LYRM2: variants seen among roughly 807,000 people sequenced by gnomAD.
LYRM2 encodes LYR motif-containing protein 2.
Under a neutral mutation model 11.6 loss-of-function variants are expected in LYRM2, and 8 were observed. The ratio of observed to expected loss-of-function variants is 0.69; its 90% CI spans 0.40 to 1.24. LYRM2 has a LOEUF of 1.24. LYRM2 is among the 50% of genes most tolerant of loss of function. The pLI, the probability that LYRM2 is intolerant of heterozygous loss-of-function variation, is 0.01. For missense variants in LYRM2, 117 were observed against 102.9 expected, an observed-to-expected ratio of 1.14 and a Z score of -0.59; for synonymous variants, 30 against 36.4, an observed-to-expected ratio of 0.83 and a Z score of 0.63.
At chr6:89,638,545 G>C (rs1313083688) in intron 1 of LYRM2, 127 bp downstream of exon 1, 9 of 1,583,862 alleles carry the variant, frequency 5.7e-6, no homozygotes. Context: ...GCAGGCATCG[G>C]GCCAATCTCA....
At position 89,634,814 on chromosome 6, in the gene LYRM2, G is replaced by C. The variant is rs1421155612; in HGVS notation, c.*2459C>G. ...CACTTTTTTATTTTTTTTGAGACAAGAGTCTCACTCTTTCGCCCAGGCTGT... is the reference window on the plus strand; with the variant it reads ...CACTTTTTTATTTTTTTTGAGACAACAGTCTCACTCTTTCGCCCAGGCTGT... On this transcript the variant is annotated 3_prime_UTR_variant, in exon 3 of 3. Transcript: ENST00000523377. 2 of 152,104 alleles carry C rather than the reference G, an allele frequency of 1.3e-5. No individual in the cohort carries two copies. The highest frequency in any genetic ancestry group is 6.5e-5 in the Admixed American group (1 of 15,272). The allele number at this position is 152,104 out of a possible 1,614,324, so 9.4% of individuals were successfully genotyped here.
intron 2 of LYRM2, 120 bp downstream of exon 2, chr6:89,637,622 T>C: frequency 2.3e-6 from 2 of 885,662 alleles, no homozygotes; most frequent in Non-Finnish European, 3.4e-6. Flanking sequence ...TTACAAGCAA[T>C]GATCAAGATA....
intron 2 of LYRM2, 128 bp downstream of exon 2, chr6:89,637,614 A>T: frequency 1.2e-6 from 1 of 841,838 alleles, no homozygotes; most frequent in Non-Finnish European, 1.8e-6. Context: ...CGGTAACATT[A>T]CAAGCAATGA....
Position 89,634,167 on chromosome 6 carries a change from A to G in LYRM2, c.*3106T>C, listed in dbSNP as rs926639445. 3.3e-5 allele frequency: 5 copies of G among 152,246 alleles called. No individual in the cohort carries two copies. Among genetic ancestry groups the G allele is most frequent in the African/African-American group, 1.2e-4 (5 of 41,476 alleles). 9.4% of individuals were successfully genotyped at this position (152,246 alleles called of 1,614,324 possible). On this transcript the variant is annotated 3_prime_UTR_variant, in exon 3 of 3. Transcript: ENST00000523377. ...TTTTGACTAAGTTATTAAAAGTTAAATGCATTTCTTCTTTGAAGTGTGGAT... is the reference window on the plus strand; with the variant it reads ...TTTTGACTAAGTTATTAAAAGTTAAGTGCATTTCTTCTTTGAAGTGTGGAT...
In LYRM2 at chr6:89,634,763, T is replaced by C. The variant is rs1261128639; in HGVS notation, c.*2510A>G. ...CACATCTATGGCAATGCTTGTACCA[T>C]GAATTTAAAACTTCTAACTTGATGG... On this transcript the variant is annotated 3_prime_UTR_variant, in exon 3 of 3. Coordinates refer to ENST00000523377, the MANE Select transcript of LYRM2 (RefSeq NM_020466.5). 2 of 152,268 alleles carry C rather than the reference T, an allele frequency of 1.3e-5. No individual in the cohort carries two copies. The highest frequency in any genetic ancestry group is 2.9e-5 in the Non-Finnish European group (2 of 68,074). 9.4% of individuals were successfully genotyped at this position (152,268 alleles called of 1,614,324 possible).
rs745801736 is a variant in LYRM2, at chr6:89,637,361, A to G, written c.187-8T>C. 4 of 1,569,350 alleles carry G rather than the reference A, an allele frequency of 2.5e-6. No homozygotes were observed. The highest frequency in any genetic ancestry group is 3.5e-6 in the Non-Finnish European group (4 of 1,140,450). ...CATCATCCGGATTGTATCCTGTAGA[A>G]TAAAGTGAAATCTGGTTATAGTTTT... On this transcript the variant is annotated splice_polypyrimidine_tract_variant and splice_region_variant and intron_variant, in intron 2 of 2. Coordinates refer to ENST00000523377, the MANE Select transcript of LYRM2 (RefSeq NM_020466.5).
chr6:89,637,849 T>C lies in LYRM2; in HGVS notation c.79A>G (p.Arg27Gly). The part of the protein sequence containing the change: ...VRRQQVLLLY[R>G]RILQTIRQVP... ...TGCCGAATTGTTTGCAAAATCCTTC[T>C]GTAGAGGAGAAGAACTTGTTGCCTT... Residue 27 changes from arginine to glycine, a missense_variant, in exon 2 of 3, where the codon AGA (arginine) becomes GGA (glycine). Transcript: ENST00000523377. 1 of 1,614,152 alleles carries C rather than the reference T, an allele frequency of 6.2e-7. No individual in the cohort carries two copies. The highest frequency in any genetic ancestry group is 1.1e-5 in the South Asian group (1 of 91,080).
chr6:89,638,290 C>T, intron 1 of LYRM2: 3 of 1,144,070 alleles, frequency 2.6e-6, no homozygotes, highest in Non-Finnish European at 3.2e-6. Flanking sequence ...AAAGGGCTGC[C>T]GGTCTCCTAG....
At chr6:89,638,029 G>A in intron 1 of LYRM2, 147 bp from the exon 2 acceptor site, 1 of 900,380 alleles carries the variant, frequency 1.1e-6, no homozygotes, top group Non-Finnish European at 1.6e-6. Flanking sequence ...TTCTTTTTTT[G>A]GCCAGATGCA....
chr6:89,633,542 CAG>C lies in LYRM2; in HGVS notation c.*3729_*3730del, dbSNP rs767471543. On this transcript the variant is annotated 3_prime_UTR_variant, in exon 3 of 3. Transcript: ENST00000523377. ...AACAGCTGTGGGAAAAACTAAAACA[CAG>C]AAATACTGTACAGTATTAGTGTTTT... The C allele has an allele frequency of 2.0e-5, 3 of 152,104 alleles. No homozygotes were observed. Among genetic ancestry groups the C allele is most frequent in the Non-Finnish European group, 4.4e-5 (3 of 68,014 alleles). The allele number at this position is 152,104 out of a possible 1,614,324, so 9.4% of individuals were successfully genotyped here. A position where few individuals can be genotyped will look rare whatever the true frequency, so the allele number is the denominator to read the frequency against.
At chr6:89,637,542 G>C (rs933098521) in intron 2 of LYRM2, among the ~76,000 whole-genome samples, 189 bp from the exon 3 acceptor site, 1 of 152,122 alleles carries the variant, frequency 6.6e-6, no homozygotes, top group Admixed American at 6.5e-5. Context: ...ATGCTGAAGA[G>C]TGTAGATACT....
intron 1 of LYRM2, 105 bp downstream of exon 1, chr6:89,638,567 C>G: frequency 1.3e-6 from 2 of 1,595,398 alleles, no homozygotes; most frequent in Non-Finnish European, 1.7e-6. Flanking sequence ...AGGGCGCGCA[C>G]GCCGCATCAG....
chr6:89,637,670 A>T, intron 2 of LYRM2, 72 bp downstream of exon 2: 7 of 1,525,874 alleles, frequency 4.6e-6, no homozygotes, highest in Non-Finnish European at 3.6e-6. Flanking sequence ...GATGTCTGCT[A>T]AACTTAAAAA....
chr6:89,638,453 T>C, intron 1 of LYRM2: 2 of 1,458,934 alleles, frequency 1.4e-6, no homozygotes, highest in Non-Finnish European at 1.8e-6. Flanking sequence ...ATCAAGCGCC[T>C]GACGCTGTCT....
rs1259657196 is a variant in LYRM2 at position 89,633,806 on chromosome 6, T to G, written c.*3467A>C. 6.6e-6 allele frequency: 1 copy of G among 152,250 alleles called. No individual in the cohort carries two copies. Among genetic ancestry groups the G allele is most frequent in the Non-Finnish European group, 1.5e-5 (1 of 68,040 alleles). 9.4% of individuals were successfully genotyped at this position (152,250 alleles called of 1,614,324 possible). On this transcript the variant is annotated 3_prime_UTR_variant, in exon 3 of 3. Transcript: ENST00000523377. ...CATTAAAGATACTATGGATCTTAAA[T>G]TCCTTATTAAAAAAATGCAAGTGTG...
Position 89,632,529 on chromosome 6 carries a change from G to T in LYRM2, c.*4744C>A, listed in dbSNP as rs1432872951. ...GGCCTCTCAGGCTCGTGATCCTCCT[G>T]CCTCAACCTCGCAAGTAGCTTGGGA... On this transcript the variant is annotated 3_prime_UTR_variant, in exon 3 of 3. Transcript: ENST00000523377. 1 of 152,150 alleles carries T rather than the reference G, an allele frequency of 6.6e-6. No individual in the cohort carries two copies. Among genetic ancestry groups the T allele is most frequent in the Non-Finnish European group, 1.5e-5 (1 of 68,050 alleles). The allele number at this position is 152,150 out of a possible 1,614,324, so 9.4% of individuals were successfully genotyped here. A position where few individuals can be genotyped will look rare whatever the true frequency, so the allele number is the denominator to read the frequency against.
Position 89,637,078 on chromosome 6 carries a change from A to G in LYRM2, c.*195T>C. On this transcript the variant is annotated 3_prime_UTR_variant, in exon 3 of 3. Coordinates refer to ENST00000523377, the MANE Select transcript of LYRM2 (RefSeq NM_020466.5). The stretch of plus-strand genomic sequence containing the variant: ...TTCTTCTTTTAAGAACTGCTGAGAC[A>G]TCCATAAACATTTTCAAAATGCAGG... 2.1e-6 allele frequency: 1 copy of G among 474,798 alleles called. No homozygotes were observed. Among genetic ancestry groups the G allele is most frequent in the Non-Finnish European group, 3.7e-6 (1 of 267,886 alleles). 29.4% of individuals were successfully genotyped at this position (474,798 alleles called of 1,614,324 possible). A position where few individuals can be genotyped will look rare whatever the true frequency, so the allele number is the denominator to read the frequency against.
chr6:89,633,096 G>A lies in LYRM2; in HGVS notation c.*4177C>T, dbSNP rs1176637911. 1 of 152,154 alleles carries A rather than the reference G, an allele frequency of 6.6e-6. No homozygotes were observed. Among genetic ancestry groups the A allele is most frequent in the Non-Finnish European group, 1.5e-5 (1 of 68,034 alleles). The allele number at this position is 152,154 out of a possible 1,614,324, so 9.4% of individuals were successfully genotyped here. ...AAGCAGGCAGCTAATATTGTGAACT[G>A]AGTATTTTTGTCAAAAGTCACAGGG... On this transcript the variant is annotated 3_prime_UTR_variant, in exon 3 of 3. Coordinates refer to ENST00000523377, the MANE Select transcript of LYRM2 (RefSeq NM_020466.5).
Position 89,638,728 on chromosome 6 carries a change from G to A in LYRM2, c.-12C>T, listed in dbSNP as rs1166574079. The A allele has an allele frequency of 3.1e-6, 5 of 1,613,928 alleles. No individual in the cohort carries two copies. The South Asian group carries it at 5.5e-5, about 18-fold the overall frequency. On this transcript the variant is annotated 5_prime_UTR_variant, in exon 1 of 3. Transcript: ENST00000523377. ...CGGGAAGCAGCCATGTCCACCAGAG[G>A]TCCGCCGGAGCCTCAGCGCGCAGGA... is the stretch of plus-strand genomic sequence containing the variant.
Sources: gnomAD v4.1 joint callset for allele counts (sites outside exome capture counted in the v4.1 genomes callset) on GRCh38, gnomAD v4.1.1 for gene constraint, MANE v1.5 for transcripts, NCBI Gene and HGNC (gene_info 2026-07-23, HGNC 2026-07-21) for gene names.